PCDHA5: variants seen among roughly 807,000 people sequenced by gnomAD.
PCDHA5 encodes the protein protocadherin alpha-5.
PCDHA5 carries 43 observed loss-of-function variants against 61.6 expected under a neutral mutation model. The observed-to-expected ratio is 0.70, with a 90% CI of 0.55 to 0.90. The LOEUF is 0.90. Ranked by LOEUF, PCDHA5 falls within the 40% of genes least tolerant of loss-of-function variation. The pLI, the probability that PCDHA5 is intolerant of heterozygous loss-of-function variation, is 0.00. For synonymous variants in PCDHA5, 627 were observed against 543.9 expected (o/e 1.15, Z -2.13); for missense variants, 1,298 against 1,222.7 (o/e 1.06, Z -0.92).
intron 1 of PCDHA5, among the ~76,000 whole-genome samples, chr5:140,973,634 C>T (rs2096596343): frequency 6.6e-6 from 1 of 152,220 alleles, no homozygotes; most frequent in African/African-American, 2.4e-5. Flanking sequence ...ATCTTGTACA[C>T]ATTCTGACTG....
At position 140,824,044 on chromosome 5, in the gene PCDHA5, G is replaced by A; in HGVS notation, c.2269G>A (p.Val757Met). The A allele has an allele frequency of 1.2e-6, 2 of 1,614,184 alleles. No homozygotes were observed. Among genetic ancestry groups the A allele is most frequent in the Non-Finnish European group, 1.7e-6 (2 of 1,180,036 alleles). Residue 757 changes from valine (V) to methionine (M), a missense_variant, in exon 1 of 4, where the codon GTG becomes ATG. Physicochemically the swap from Val to Met is conservative, Grantham distance 21. Coordinates refer to ENST00000529859, the MANE Select transcript of PCDHA5 (RefSeq NM_018908.3). ...WSYSQQRRQR[V>M]CSGEAPPKTD... ...GTACTCGCAGCAGAGGAGACAGAGGGTGTGCTCTGGGGAAGCTCCACCCAA... is the reference window on the plus strand; with the variant it reads ...GTACTCGCAGCAGAGGAGACAGAGGATGTGCTCTGGGGAAGCTCCACCCAA...
At position 140,944,452 on chromosome 5, in the gene PCDHA5, G is replaced by A. The variant is rs147335783; in HGVS notation, c.2353-34497G>A. 1.8e-3 allele frequency among the ~76,000 whole-genome samples: 280 copies of A among 152,282 alleles called. 3 individuals are homozygous for A. Among genetic ancestry groups the A allele is most frequent in the African/African-American group, 6.4e-3 (266 of 41,552 alleles). ...TCTGCCTGCCTCGGCCTCCCAAAGTGCTGGGATTACAGGTATGAGGCACTG... is the reference window on the plus strand; with the variant it reads ...TCTGCCTGCCTCGGCCTCCCAAAGTACTGGGATTACAGGTATGAGGCACTG... On this transcript the variant is annotated intron_variant, in intron 1 of 3. Coordinates refer to ENST00000529859, the MANE Select transcript of PCDHA5 (RefSeq NM_018908.3).
rs575540619 is a variant in PCDHA5 at position 140,959,917 on chromosome 5, T to A, written c.2353-19032T>A. ...TTTATATCAGAAAAATCAAAGCCATTTGTAAAGCCCCATTACTTAGGCAGA... is the reference window on the plus strand; with the variant it reads ...TTTATATCAGAAAAATCAAAGCCATATGTAAAGCCCCATTACTTAGGCAGA... On this transcript the variant is annotated intron_variant, in intron 1 of 3. Transcript: ENST00000529859. 3.3e-5 allele frequency among the ~76,000 whole-genome samples: 5 copies of A among 152,296 alleles called. No homozygotes were observed. The East Asian group carries it at 9.6e-4, about 29-fold the overall frequency.
chr5:140,869,274 G>A, intron 1 of PCDHA5: 1 of 1,613,594 alleles, frequency 6.2e-7, no homozygotes. Context: ...TGGAGCTGGC[G>A]GAGCTGGTGC....
chr5:140,880,066 C>T (rs1582502313), intron 1 of PCDHA5, among the ~76,000 whole-genome samples: 1 of 152,176 alleles, frequency 6.6e-6, no homozygotes, highest in East Asian at 1.9e-4. Flanking sequence ...TTTTTGGGGA[C>T]CACAATTCAA....
rs1402531454 is a variant in PCDHA5 at position 141,011,521 on chromosome 5, TA to T, written c.*1586del. 1 of 153,804 alleles carries T rather than the reference TA, an allele frequency of 6.5e-6. No individual in the cohort carries two copies. The allele number at this position is 153,804 out of a possible 1,614,324, so 9.5% of individuals were successfully genotyped here. A position where few individuals can be genotyped will look rare whatever the true frequency, so the allele number is the denominator to read the frequency against. ...GTGAAAAAGTGGAGTAGTGTTTTTT[TA>T]ACCATTGTTAATCAGCTTTTGTGTA... On this transcript the variant is annotated 3_prime_UTR_variant, in exon 4 of 4. Coordinates refer to ENST00000529859, the MANE Select transcript of PCDHA5 (RefSeq NM_018908.3).
chr5:140,859,512 T>A, intron 1 of PCDHA5: 1 of 196,766 alleles, frequency 5.1e-6, no homozygotes, highest in South Asian at 1.4e-4. Context: ...TACCCATGAT[T>A]TCATTTTTAA....
chr5:140,841,522 G>C (rs2150317350), intron 1 of PCDHA5: 13 of 1,613,482 alleles, frequency 8.1e-6, no homozygotes, highest in Non-Finnish European at 1.1e-5. Context: ...TCCGGGTGGC[G>C]TCCAAAAGAC....
intron 1 of PCDHA5, among the ~76,000 whole-genome samples, chr5:140,891,988 A>T (rs1213568167): frequency 6.6e-6 from 1 of 152,216 alleles, no homozygotes. Flanking sequence ...TAAATTACTC[A>T]GTCTGTGGCA....
intron 3 of PCDHA5, among the ~76,000 whole-genome samples, chr5:140,998,707 A>G (rs1230153468): frequency 6.6e-6 from 1 of 151,942 alleles, no homozygotes; most frequent in African/African-American, 2.4e-5. Flanking sequence ...TGGGATTACA[A>G]GCTTGCACCA....
intron 1 of PCDHA5, among the ~76,000 whole-genome samples, chr5:140,903,428 T>C (rs954463543): frequency 2.0e-5 from 3 of 152,210 alleles, no homozygotes; most frequent in Non-Finnish European, 4.4e-5. Flanking sequence ...CAGCACAATA[T>C]GTATCAGTGG....
intron 3 of PCDHA5, among the ~76,000 whole-genome samples, chr5:140,992,953 C>G (rs1377524442): frequency 5.9e-5 from 9 of 152,172 alleles, no homozygotes; most frequent in African/African-American, 2.2e-4. Flanking sequence ...ATTAAATCAC[C>G]CCTTATACTG....
intron 1 of PCDHA5, chr5:140,854,282 G>C: frequency 1.9e-6 from 1 of 533,858 alleles, no homozygotes; most frequent in Non-Finnish European, 2.4e-6. Context: ...ATTGAGTTTA[G>C]TTTTTATTAT....
chr5:140,858,473 A>G (rs1055200728), intron 1 of PCDHA5: 2 of 1,518,350 alleles, frequency 1.3e-6, no homozygotes, highest in Non-Finnish European at 1.8e-6. Context: ...TTTGTGCTTT[A>G]TGAATAATAT....
chr5:140,887,670 C>A (rs368430565), intron 1 of PCDHA5, among the ~76,000 whole-genome samples: 2 of 151,988 alleles, frequency 1.3e-5, no homozygotes, highest in Non-Finnish European at 2.9e-5. Flanking sequence ...GTGGATTTAT[C>A]ATTTTCATCA....
At chr5:140,927,975 C>T in intron 1 of PCDHA5, 2 of 1,614,244 alleles carry the variant, frequency 1.2e-6, no homozygotes, top group Non-Finnish European at 1.7e-6. Context: ...TGATTGCTCT[C>T]TTTAGTGTAA....
chr5:140,991,570 C>T (rs1554252306), intron 3 of PCDHA5, among the ~76,000 whole-genome samples: 1 of 152,220 alleles, frequency 6.6e-6, no homozygotes, highest in Non-Finnish European at 1.5e-5. Context: ...TTTCCAATAA[C>T]AGGCTCCTTA....
At chr5:140,852,353 C>A (rs1349870360) in intron 1 of PCDHA5, 2 of 209,384 alleles carry the variant, frequency 9.6e-6, no homozygotes, top group African/African-American at 4.8e-5. Flanking sequence ...TCTTGGCTCA[C>A]TGCAACGTCT....
At chr5:140,997,840 A>G (rs2097788062) in intron 3 of PCDHA5, among the ~76,000 whole-genome samples, 2 of 152,216 alleles carry the variant, frequency 1.3e-5, no homozygotes, top group Non-Finnish European at 2.9e-5. Flanking sequence ...AATACAATAT[A>G]CATTCTTATA....
Sources: gnomAD v4.1 joint callset for allele counts (sites outside exome capture counted in the v4.1 genomes callset) on GRCh38, gnomAD v4.1.1 for gene constraint, MANE v1.5 for transcripts, NCBI Gene and HGNC (gene_info 2026-07-23, HGNC 2026-07-21) for gene names.